AGO2: variants seen among roughly 807,000 people sequenced by gnomAD.
The protein encoded by AGO2 is protein argonaute-2.
In AGO2, 5 loss-of-function variants were observed where a neutral mutation model predicts 102.3. The ratio of observed to expected loss-of-function variants is 0.05; its 90% CI spans 0.03 to 0.10. The LOEUF (loss-of-function observed/expected upper bound fraction) is 0.10, where lower values mean the gene tolerates loss of function less well. Among genes scored for constraint, AGO2 ranks in the 10% least tolerant of loss-of-function variants. The pLI is 1.00. For missense variants in AGO2, 541 were observed against 1,183.7 expected (o/e 0.46, Z 7.97); for synonymous variants, 449 against 473.1 (o/e 0.95, Z 0.66).
At chr8:140,631,391 A>C (rs530698280) in intron 1 of AGO2, among the ~76,000 whole-genome samples, 1 of 152,030 alleles carries the variant, frequency 6.6e-6, no homozygotes, top group Admixed American at 6.5e-5. Context: ...AAAATACGAA[A>C]ATTAGCCGGA....
Position 140,527,564 on chromosome 8 carries a change from C to T in AGO2, c.*4480G>A, listed in dbSNP as rs1440732413. ...GACAAAGTCACAGGTGCACTGCATC[C>T]GCACCGAGAAGCGTCACAGCAGACG... On this transcript the variant is annotated 3_prime_UTR_variant, in exon 19 of 19. Transcript: ENST00000220592. This position sits in a 1 kb window ranked among gnomAD's most constrained non-coding sequence, Gnocchi z 6.0. 2 of 152,910 alleles carry T rather than the reference C, an allele frequency of 1.3e-5. No homozygotes were observed. The highest frequency in any genetic ancestry group is 4.8e-5 in the African/African-American group (2 of 41,406). 9.5% of individuals were successfully genotyped at this position (152,910 alleles called of 1,614,324 possible).
At chr8:140,560,794 T>A (rs1354707628) in intron 4 of AGO2, among the ~76,000 whole-genome samples, 1 of 152,208 alleles carries the variant, frequency 6.6e-6, no homozygotes, top group African/African-American at 2.4e-5. Flanking sequence ...GGACCTGGCG[T>A]GTTTCTGGTC....
intron 16 of AGO2, 74 bp from the exon 17 acceptor site, chr8:140,535,643 G>A (rs948219753): frequency 9.1e-6 from 13 of 1,432,860 alleles, no homozygotes; most frequent in Admixed American, 3.4e-5. Context: ...AGGCAGCCGC[G>A]CCGCCCGCTG....
intron 1 of AGO2, among the ~76,000 whole-genome samples, chr8:140,601,995 A>C (rs140678588): frequency 6.6e-6 from 1 of 152,280 alleles, no homozygotes; most frequent in East Asian, 1.9e-4. Flanking sequence ...CAGAGCAGCT[A>C]AGCCCACACA....
At chr8:140,635,440 G>A (rs1454459077) in intron 1 of AGO2, 45 bp downstream of exon 1, 2 of 979,840 alleles carry the variant, frequency 2.0e-6, no homozygotes, top group Non-Finnish European at 2.4e-6. Context: ...CCACGGGCAG[G>A]AGCGCGCGAA....
intron 1 of AGO2, among the ~76,000 whole-genome samples, chr8:140,604,992 C>T (rs1003637108): frequency 2.3e-4 from 35 of 152,150 alleles, no homozygotes; most frequent in Middle Eastern, 6.3e-3. Context: ...TAAACGTGCA[C>T]TATGTGGGAT....
At chr8:140,534,468 C>G (rs1350294218) in intron 17 of AGO2, among the ~76,000 whole-genome samples, 3 of 152,214 alleles carry the variant, frequency 2.0e-5, no homozygotes, top group Non-Finnish European at 4.4e-5. Flanking sequence ...CACTTTGCAC[C>G]AGGAAGTGCC....
chr8:140,595,790 AATTAT>A (rs1160983212), intron 1 of AGO2, among the ~76,000 whole-genome samples: 3 of 39,518 alleles, frequency 7.6e-5, no homozygotes, highest in Admixed American at 3.5e-4. Flanking sequence ...TTGTATATAC[AATTAT>A]ATTATATACA....
In AGO2 at chr8:140,595,839, GTATATA is replaced by G. The variant is rs1383000628; in HGVS notation, c.23-10534_23-10529del. 1.2e-3 allele frequency among the ~76,000 whole-genome samples: 32 copies of G among 26,410 alleles called. 2 individuals are homozygous for G. The East Asian group carries it at 0.017, about 14-fold the overall frequency. 17.3% of individuals were successfully genotyped at this position (26,410 alleles called of 152,430 possible). A position where few individuals can be genotyped will look rare whatever the true frequency, so the allele number is the denominator to read the frequency against. On this transcript the variant is annotated intron_variant, in intron 1 of 18. Transcript: ENST00000220592. ...TATTATATTTATATTATATACAATT[GTATATA>G]TTATATTTATATTATATACAATTGT...
intron 1 of AGO2, among the ~76,000 whole-genome samples, chr8:140,624,835 T>A (rs2074255607): frequency 6.6e-6 from 1 of 152,192 alleles, no homozygotes; most frequent in African/African-American, 2.4e-5. Flanking sequence ...GGATCTGCAA[T>A]GAGAAACGGG....
chr8:140,618,319 C>G (rs1196590494), intron 1 of AGO2, among the ~76,000 whole-genome samples: 2 of 146,302 alleles, frequency 1.4e-5, no homozygotes, highest in African/African-American at 5.1e-5. Flanking sequence ...GACTCCGTCT[C>G]AGGAAAAAAA....
chr8:140,634,930 G>A (rs2074385795), intron 1 of AGO2, among the ~76,000 whole-genome samples: 1 of 152,100 alleles, frequency 6.6e-6, no homozygotes, highest in African/African-American at 2.4e-5. Flanking sequence ...GCGCGCCACA[G>A]ACTCACCGCG....
chr8:140,635,496 C>G lies in AGO2; in HGVS notation c.11G>C (p.Gly4Ala). The change falls in exon 1 of 19, where the codon GGA (glycine) becomes GCA (alanine). Residue 4 changes from glycine (G) to alanine (A), a missense_variant. Transcript: ENST00000220592. Reference protein sequence around the residue: MYSGAGPALAPPAP... With the variant: MYSAAGPALAPPAP... ...GCGCCAGGACTCACCGGGGCCGGCT[C>G]CCGAGTACATGGTGGCGCCGCCGAG... 1 of 980,406 alleles carries G rather than the reference C, an allele frequency of 1.0e-6. No homozygotes were observed. The highest frequency in any genetic ancestry group is 4.5e-5 in the South Asian group (1 of 22,084). The allele number at this position is 980,406 out of a possible 1,614,324, so 60.7% of individuals were successfully genotyped here.
intron 17 of AGO2, 45 bp from the exon 18 acceptor site, chr8:140,532,660 T>C (rs756829545): frequency 2.6e-6 from 4 of 1,567,348 alleles, no homozygotes; most frequent in East Asian, 2.3e-5. Context: ...GCATAAAATC[T>C]TTAAAAGGAT....
intron 2 of AGO2, among the ~76,000 whole-genome samples, chr8:140,577,614 G>A (rs1243395696): frequency 3.3e-5 from 5 of 152,218 alleles, no homozygotes; most frequent in Non-Finnish European, 7.3e-5. Flanking sequence ...GCAGCTGGAG[G>A]GAGGCCATGG....
chr8:140,557,006 G>T lies in AGO2; in HGVS notation c.1026+83C>A. 6.6e-7 allele frequency: 1 copy of T among 1,515,144 alleles called. No homozygotes were observed. Among genetic ancestry groups the T allele is most frequent in the Non-Finnish European group, 8.9e-7 (1 of 1,123,188 alleles). The allele number at this position is 1,515,144 out of a possible 1,614,324, so 93.9% of individuals were successfully genotyped here. On this transcript the variant is annotated intron_variant, in intron 8 of 18. Transcript: ENST00000220592. This position sits in a 1 kb window ranked among gnomAD's most constrained non-coding sequence, Gnocchi z 5.9. ...GCCATTTGTATCTGACTGGGGCCTC[G>T]GCGGTTTCTCGAAGCTGCATGCCCC...
At chr8:140,537,321 CTTTTCTTTT>C (rs1320139863) in intron 16 of AGO2, among the ~76,000 whole-genome samples, 1 of 143,772 alleles carries the variant, frequency 7.0e-6, no homozygotes, top group African/African-American at 2.5e-5. Flanking sequence ...TTCAGGGTTT[CTTTTCTTTT>C]TTTTTTTTTA....
At chr8:140,630,061 G>A (rs1260517844) in intron 1 of AGO2, among the ~76,000 whole-genome samples, 2 of 152,052 alleles carry the variant, frequency 1.3e-5, no homozygotes, top group African/African-American at 2.4e-5. Flanking sequence ...GGGGACACGC[G>A]TCAGCACCCT....
chr8:140,539,764 C>T lies in AGO2; in HGVS notation c.2035-310G>A, dbSNP rs1166496960. Among the ~76,000 whole-genome samples the T allele has an allele frequency of 1.3e-5, 2 of 152,228 alleles. No homozygotes were observed. Among genetic ancestry groups the T allele is most frequent in the Non-Finnish European group, 2.9e-5 (2 of 68,040 alleles). ...GGCTGGGCTCTGCGCTGAGAAGGCA[C>T]ATGCAGAGGCCAAGCTCCTGCAGAA... On this transcript the variant is annotated intron_variant, in intron 15 of 18. Transcript: ENST00000220592. This position sits in a 1 kb window ranked among gnomAD's most constrained non-coding sequence, Gnocchi z 4.7.
Sources: gnomAD v4.1 joint callset for allele counts (sites outside exome capture counted in the v4.1 genomes callset) on GRCh38, gnomAD v4.1.1 for gene constraint, Gnocchi (gnomAD v3.1) non-coding constraint, MANE v1.5 for transcripts, NCBI Gene and HGNC (gene_info 2026-07-23, HGNC 2026-07-21) for gene names.